Variants in CTNNA3 observed in about 807,000 individuals in gnomAD.
CTNNA3 encodes catenin alpha 3, also known as catenin alpha-3.
Under a neutral mutation model 95.7 loss-of-function variants are expected in CTNNA3, and 76 were observed. The ratio of observed to expected loss-of-function variants is 0.79; its 90% confidence interval spans 0.66 to 0.96. The LOEUF (loss-of-function observed/expected upper bound fraction) is 0.96. Among genes scored for constraint, CTNNA3 ranks in the 40% least tolerant of loss-of-function variants. The pLI is 0.00. For missense variants in CTNNA3, 1,191 were observed against 1,089.8 expected, an observed-to-expected ratio of 1.09 and a Z score of -1.31; for synonymous variants, 431 against 374.4, an observed-to-expected ratio of 1.15 and a Z score of -1.74.
At chr10:66,835,255 A>G (rs540149942) in intron 7 of CTNNA3, among the ~76,000 whole-genome samples, 1 of 152,326 alleles carries the variant, frequency 6.6e-6, no homozygotes, top group South Asian at 2.1e-4. Flanking sequence ...AAAGCTGAGA[A>G]GCTGAATTCA....
At chr10:67,129,675 G>A (rs372283743) in intron 7 of CTNNA3, among the ~76,000 whole-genome samples, 1 of 152,016 alleles carries the variant, frequency 6.6e-6, no homozygotes, top group Non-Finnish European at 1.5e-5. Context: ...CACCATTTAC[G>A]TTTCTTTACT....
At chr10:66,696,885 G>A (rs1174484486) in intron 9 of CTNNA3, among the ~76,000 whole-genome samples, 2 of 152,130 alleles carry the variant, frequency 1.3e-5, no homozygotes, top group African/African-American at 4.8e-5. Context: ...GCGGCAGTGA[G>A]CTCTAATCAT....
rs187235293 is a variant in CTNNA3 at position 66,695,610 on chromosome 10, A to G, written c.1281+70654T>C. ...CTAGTAGTTGGTTGAAAATTGTTCTATATTCACAATAAAAGTCATTCCCAG... is the reference window on the plus strand; with the variant it reads ...CTAGTAGTTGGTTGAAAATTGTTCTGTATTCACAATAAAAGTCATTCCCAG... On this transcript the variant is annotated intron_variant, in intron 9 of 17. Transcript: ENST00000433211. Among the ~76,000 whole-genome samples, 1,021 of 152,288 alleles carry G rather than the reference A, an allele frequency of 6.7e-3. 8 individuals are homozygous for G. The highest frequency in any genetic ancestry group is 0.023 in the African/African-American group (965 of 41,548).
chr10:67,286,201 G>C (rs1399237677), intron 5 of CTNNA3, among the ~76,000 whole-genome samples: 2 of 152,160 alleles, frequency 1.3e-5, no homozygotes, highest in Non-Finnish European at 2.9e-5. Flanking sequence ...TCAATTTAAA[G>C]AAACCAGCAA....
intron 5 of CTNNA3, among the ~76,000 whole-genome samples, chr10:67,358,680 C>A (rs1395720547): frequency 6.6e-6 from 1 of 152,110 alleles, no homozygotes; most frequent in Non-Finnish European, 1.5e-5. Context: ...ACATACCCCA[C>A]AACCCATTCT....
intron 5 of CTNNA3, among the ~76,000 whole-genome samples, chr10:67,413,999 A>G (rs1224925087): frequency 1.3e-5 from 2 of 152,154 alleles, no homozygotes; most frequent in Non-Finnish European, 2.9e-5. Flanking sequence ...TCTCAAATTA[A>G]CAAACTAACT....
chr10:67,149,810 G>C (rs902255895), intron 7 of CTNNA3, among the ~76,000 whole-genome samples: 1 of 152,134 alleles, frequency 6.6e-6, no homozygotes, highest in East Asian at 1.9e-4. Context: ...CTCCTGCGCC[G>C]ATCAAACTCT....
At chr10:66,838,649 C>A (rs1027234002) in intron 7 of CTNNA3, among the ~76,000 whole-genome samples, 2 of 152,054 alleles carry the variant, frequency 1.3e-5, no homozygotes, top group African/African-American at 2.4e-5. Flanking sequence ...CCAGGACTAG[C>A]CTTTACGGTT....
At chr10:66,705,515 T>C (rs1848087846) in intron 9 of CTNNA3, among the ~76,000 whole-genome samples, 1 of 152,058 alleles carries the variant, frequency 6.6e-6, no homozygotes, top group Non-Finnish European at 1.5e-5. Flanking sequence ...TGGGAAGATA[T>C]AAATGTTAGC....
rs1459002304 is a variant in CTNNA3, at chr10:66,824,808, G to T, written c.1048-49284C>A. Among the ~76,000 whole-genome samples, 3 of 152,230 alleles carry T rather than the reference G, an allele frequency of 2.0e-5. No individual in the cohort carries two copies. The East Asian group carries it at 5.8e-4, about 29-fold the overall frequency. On this transcript the variant is annotated intron_variant, in intron 7 of 17. Coordinates refer to ENST00000433211, the MANE Select transcript of CTNNA3 (RefSeq NM_013266.4). ...CGCCGTCTAAAGAACCTAAGGAGAC[G>T]TGGTGACTAAATCCCATAACGGGAT...
At chr10:66,205,208 C>T (rs988983664) in intron 13 of CTNNA3, among the ~76,000 whole-genome samples, 1 of 151,792 alleles carries the variant, frequency 6.6e-6, no homozygotes, top group Non-Finnish European at 1.5e-5. Flanking sequence ...TACAGTAAGT[C>T]CTTATTTAAA....
At chr10:66,942,811 A>C (rs367646227) in intron 7 of CTNNA3, among the ~76,000 whole-genome samples, 1 of 152,224 alleles carries the variant, frequency 6.6e-6, no homozygotes, top group African/African-American at 2.4e-5. Flanking sequence ...TAATTTAGGC[A>C]TTTAAAGGAA....
At chr10:67,430,820 T>TACACACACACAC (rs371146065) in intron 5 of CTNNA3, among the ~76,000 whole-genome samples, 32,446 of 138,506 alleles carry the variant, frequency 0.23, 4,345 homozygotes, top group Middle Eastern at 0.36. Flanking sequence ...CAAACATAAC[T>TACACACACACAC]ACACACACAC....
intron 12 of CTNNA3, among the ~76,000 whole-genome samples, chr10:66,355,573 CTT>C (rs890605863): frequency 2.0e-5 from 3 of 151,850 alleles, no homozygotes; most frequent in Admixed American, 6.6e-5. Flanking sequence ...ATAGGAAACT[CTT>C]TATTTTTGAA....
At chr10:67,341,531 C>CT (rs889589333) in intron 5 of CTNNA3, among the ~76,000 whole-genome samples, 1 of 152,152 alleles carries the variant, frequency 6.6e-6, no homozygotes, top group Non-Finnish European at 1.5e-5. Flanking sequence ...GGATCTTATT[C>CT]TTTTTTATGG....
intron 7 of CTNNA3, among the ~76,000 whole-genome samples, chr10:66,782,779 A>G (rs1316672735): frequency 6.6e-6 from 1 of 152,172 alleles, no homozygotes; most frequent in African/African-American, 2.4e-5. Flanking sequence ...CAAAAATAAT[A>G]TCTATCCTAT....
At chr10:66,289,946 A>G (rs1293503279) in intron 12 of CTNNA3, among the ~76,000 whole-genome samples, 1 of 152,074 alleles carries the variant, frequency 6.6e-6, no homozygotes, top group Non-Finnish European at 1.5e-5. Context: ...CTCTGATTCC[A>G]TAAGTTTCTT....
intron 17 of CTNNA3, among the ~76,000 whole-genome samples, chr10:65,937,710 A>T (rs2077364971): frequency 6.6e-6 from 1 of 152,220 alleles, no homozygotes; most frequent in African/African-American, 2.4e-5. Flanking sequence ...TTCACTAGGA[A>T]AATGAATATA....
intron 1 of CTNNA3, among the ~76,000 whole-genome samples, chr10:67,689,162 C>T (rs544760738): frequency 1.4e-4 from 21 of 152,210 alleles, no homozygotes; most frequent in Non-Finnish European, 2.2e-4. Flanking sequence ...ATGAACTGGA[C>T]GGACATACCC....
Sources: gnomAD v4.1 joint callset for allele counts (sites outside exome capture counted in the v4.1 genomes callset) on GRCh38, gnomAD v4.1.1 for gene constraint, MANE v1.5 for transcripts, NCBI Gene and HGNC (gene_info 2026-07-23, HGNC 2026-07-21) for gene names.